The following UNC5C variants were observed in gnomAD, a reference collection of about 807,000 sequenced individuals.
The protein encoded by UNC5C is netrin receptor UNC5C.
UNC5C carries 47 observed loss-of-function variants against 99.8 expected under a neutral mutation model. That is an observed-to-expected ratio of 0.47 (90% CI 0.37 to 0.60). UNC5C has a LOEUF of 0.60. UNC5C is among the 20% of genes least tolerant of loss of function. UNC5C has a pLI of 0.00. For synonymous variants in UNC5C, 487 were observed against 452.2 expected (o/e 1.08, Z -0.98); for missense variants, 1,062 against 1,165.9 (o/e 0.91, Z 1.30).
chr4:95,202,755 C>T lies in UNC5C; in HGVS notation c.2112G>A (p.Leu704=). The T allele has an allele frequency of 1.2e-6, 2 of 1,614,190 alleles. No homozygotes were observed. The highest frequency in any genetic ancestry group is 1.1e-5 in the South Asian group (1 of 91,074). ...CCTTCAGGGCATCCTGGGTGTCATC[C>T]AGACAGTAGACTCGGATGCTGTACT... ...SLEYSIRVYC[L]DDTQDALKEI... Residue 704 remains leucine, a synonymous_variant, in exon 12 of 16, where the codon CTG becomes CTA. Coordinates refer to ENST00000453304, the MANE Select transcript of UNC5C (RefSeq NM_003728.4).
At chr4:95,401,490 A>G (rs149810994) in intron 1 of UNC5C, among the ~76,000 whole-genome samples, 1 of 152,036 alleles carries the variant, frequency 6.6e-6, no homozygotes, top group Non-Finnish European at 1.5e-5. Flanking sequence ...AGCTTTTTGC[A>G]GTGATGAGGG....
In UNC5C at chr4:95,167,796, A is replaced by AAAAG. The variant is rs1321445622; in HGVS notation, c.*1434_*1437dup. Reference sequence around the variant, plus strand: ...TTGAAAGGCGTAACATAGCCTGGGCAAAAGACCAGCTGATGATTTTTAAAT... The same window carrying AAAAG: ...TTGAAAGGCGTAACATAGCCTGGGCAAAAGAAAGACCAGCTGATGATTTTTAAAT... On this transcript the variant is annotated 3_prime_UTR_variant, in exon 16 of 16. Transcript: ENST00000453304. 33 of 152,232 alleles carry AAAAG rather than the reference A, an allele frequency of 2.2e-4. No individual in the cohort carries two copies. The highest frequency in any genetic ancestry group is 8.0e-4 in the African/African-American group (33 of 41,456). The allele number at this position is 152,232 out of a possible 1,614,324, so 9.4% of individuals were successfully genotyped here.
chr4:95,325,994 G>T (rs151161527), intron 2 of UNC5C, among the ~76,000 whole-genome samples: 1 of 152,180 alleles, frequency 6.6e-6, no homozygotes, highest in South Asian at 2.1e-4. Flanking sequence ...GACACCAGGC[G>T]CAGGGCCAAG....
rs772552427 is a variant in UNC5C at position 95,216,162 on chromosome 4, G to A, written c.1695C>T (p.Tyr565=). Residue 565 remains tyrosine (Y), a synonymous_variant, in exon 10 of 16, where the codon TAC becomes TAT. Transcript: ENST00000453304. ...TCCTGTGTACAGTCACATACATTTC[G>A]TAGACTCTCCCTTGGGGAATGGCCC... The part of the protein sequence containing the change: ...PAGAIPQGRV[Y]EMYVTVHRKE... 8 of 1,613,526 alleles carry A rather than the reference G, an allele frequency of 5.0e-6. No individual in the cohort carries two copies. The highest frequency in any genetic ancestry group is 5.9e-6 in the Non-Finnish European group (7 of 1,179,900).
At chr4:95,473,968 A>C (rs996646045) in intron 1 of UNC5C, among the ~76,000 whole-genome samples, 3 of 152,074 alleles carry the variant, frequency 2.0e-5, no homozygotes, top group African/African-American at 4.8e-5. Flanking sequence ...ATAATCACAA[A>C]ACATGTTTTT....
intron 1 of UNC5C, among the ~76,000 whole-genome samples, chr4:95,492,219 T>C (rs1033253077): frequency 1.3e-5 from 2 of 151,504 alleles, no homozygotes; most frequent in Non-Finnish European, 3.0e-5. Context: ...ACTATCTTAA[T>C]TAATTTATTG....
chr4:95,405,159 T>C (rs1745800782), intron 1 of UNC5C, among the ~76,000 whole-genome samples: 1 of 152,140 alleles, frequency 6.6e-6, no homozygotes, highest in Admixed American at 6.5e-5. Flanking sequence ...GAGCGTCCAT[T>C]GAGCCCGTTA....
intron 1 of UNC5C, among the ~76,000 whole-genome samples, chr4:95,424,502 A>ATTTTT (rs202226117): frequency 1.0e-5 from 1 of 95,824 alleles, no homozygotes; most frequent in African/African-American, 4.0e-5. Context: ...GGGCTTCAGA[A>ATTTTT]TTTTTTTTTT....
At chr4:95,368,604 T>C (rs190230878) in intron 1 of UNC5C, among the ~76,000 whole-genome samples, 1 of 152,276 alleles carries the variant, frequency 6.6e-6, no homozygotes, top group East Asian at 1.9e-4. Flanking sequence ...AGGAATGCAT[T>C]ATATTCTTGG....
At chr4:95,253,759 C>T (rs1739845864) in intron 4 of UNC5C, among the ~76,000 whole-genome samples, 2 of 152,152 alleles carry the variant, frequency 1.3e-5, no homozygotes, top group African/African-American at 4.8e-5. Flanking sequence ...CCAGCCATAT[C>T]ACAGCACTCT....
chr4:95,489,021 T>G (rs1272991381), intron 1 of UNC5C, among the ~76,000 whole-genome samples: 1 of 142,702 alleles, frequency 7.0e-6, no homozygotes, highest in Admixed American at 7.5e-5. Flanking sequence ...TATCATGACT[T>G]AATAAAAATG....
intron 4 of UNC5C, among the ~76,000 whole-genome samples, chr4:95,276,865 A>G (rs1301757979): frequency 6.6e-6 from 1 of 152,194 alleles, no homozygotes; most frequent in Non-Finnish European, 1.5e-5. Context: ...AGTAAAAAAA[A>G]AGGAATTTCA....
At chr4:95,291,530 G>A (rs1741450309) in intron 3 of UNC5C, among the ~76,000 whole-genome samples, 1 of 152,132 alleles carries the variant, frequency 6.6e-6, no homozygotes, top group South Asian at 2.1e-4. Context: ...TTATGAGACT[G>A]TGTTCTATGA....
At chr4:95,326,723 T>C (rs922725086) in intron 2 of UNC5C, among the ~76,000 whole-genome samples, 43 of 152,224 alleles carry the variant, frequency 2.8e-4, no homozygotes, top group African/African-American at 9.9e-4. Flanking sequence ...AATGGATAGA[T>C]ATACTCAGTG....
chr4:95,316,398 C>CAAA (rs1742477426), intron 2 of UNC5C, among the ~76,000 whole-genome samples: 1 of 152,262 alleles, frequency 6.6e-6, no homozygotes, highest in African/African-American at 2.4e-5. Flanking sequence ...CCACAGCATG[C>CAAA]AAAACCGTGG....
At chr4:95,450,090 T>C (rs1001282496) in intron 1 of UNC5C, among the ~76,000 whole-genome samples, 2 of 152,244 alleles carry the variant, frequency 1.3e-5, no homozygotes, top group African/African-American at 4.8e-5. Context: ...AATCTCTCTG[T>C]TTCTATCTAT....
intron 12 of UNC5C, among the ~76,000 whole-genome samples, chr4:95,197,759 C>CCAAT (rs1737489232): frequency 6.6e-6 from 1 of 151,984 alleles, no homozygotes; most frequent in South Asian, 2.1e-4. Context: ...TATAATAGAC[C>CCAAT]CAATCAGAAA....
chr4:95,361,017 C>T (rs764883879), intron 1 of UNC5C, among the ~76,000 whole-genome samples: 4 of 152,166 alleles, frequency 2.6e-5, no homozygotes, highest in South Asian at 2.1e-4. Context: ...AGTAAAAACA[C>T]GTTCTGTGAC....
intron 10 of UNC5C, among the ~76,000 whole-genome samples, chr4:95,208,446 C>T (rs1463384654): frequency 2.0e-5 from 3 of 152,190 alleles, no homozygotes; most frequent in African/African-American, 7.2e-5. Flanking sequence ...CAGAAATTTA[C>T]ATTTAGCTTT....
Sources: gnomAD v4.1 joint callset for allele counts (sites outside exome capture counted in the v4.1 genomes callset) on GRCh38, gnomAD v4.1.1 for gene constraint, MANE v1.5 for transcripts, NCBI Gene and HGNC (gene_info 2026-07-23, HGNC 2026-07-21) for gene names.